Variants in EMCN observed in about 807,000 individuals in gnomAD.
EMCN encodes the protein endomucin.
Under a neutral mutation model 38.4 loss-of-function variants are expected in EMCN, and 37 were observed. The observed-to-expected ratio is 0.96, with a 90% CI of 0.74 to 1.27. The LOEUF (loss-of-function observed/expected upper bound fraction) is 1.27, where lower values mean the gene tolerates loss of function less well. EMCN is among the 50% of genes most tolerant of loss of function. EMCN has a pLI of 0.00. For synonymous variants in EMCN, 95 were observed against 100.8 expected (o/e 0.94, Z 0.35); for missense variants, 318 against 302.8 (o/e 1.05, Z -0.37).
chr4:100,463,652 ATCCCCAC>A (rs1280794497), intron 4 of EMCN, among the ~76,000 whole-genome samples: 1 of 152,100 alleles, frequency 6.6e-6, no homozygotes, highest in Non-Finnish European at 1.5e-5. Flanking sequence ...TTTAGAGTCA[ATCCCCAC>A]TCCCATCTCC....
chr4:100,444,280 G>A (rs1015601390), intron 5 of EMCN, among the ~76,000 whole-genome samples: 3 of 152,214 alleles, frequency 2.0e-5, no homozygotes, highest in South Asian at 2.1e-4. Context: ...TGTCCATATG[G>A]GTCAGTGGAG....
chr4:100,444,726 A>T (rs1727620061), intron 5 of EMCN, among the ~76,000 whole-genome samples: 1 of 152,080 alleles, frequency 6.6e-6, no homozygotes, highest in Non-Finnish European at 1.5e-5. Context: ...GGTGCAATGC[A>T]TACTCACGCT....
At chr4:100,508,320 G>T (rs1729536351) in intron 1 of EMCN, among the ~76,000 whole-genome samples, 1 of 152,128 alleles carries the variant, frequency 6.6e-6, no homozygotes, top group Admixed American at 6.5e-5. Flanking sequence ...TGTCACACCA[G>T]TCAGGGCTCA....
intron 1 of EMCN, among the ~76,000 whole-genome samples, chr4:100,502,862 G>A (rs1293202908): frequency 6.6e-6 from 1 of 152,008 alleles, no homozygotes; most frequent in Admixed American, 6.5e-5. Context: ...ATTTTTCCAT[G>A]TAATGAATTA....
intron 4 of EMCN, among the ~76,000 whole-genome samples, chr4:100,459,166 A>T (rs1394720566): frequency 8.6e-6 from 1 of 116,222 alleles, no homozygotes; most frequent in Non-Finnish European, 1.8e-5. Context: ...TTGCCCTCAG[A>T]TGCTCTCTCT....
At chr4:100,484,241 A>G (rs1728883159) in intron 1 of EMCN, among the ~76,000 whole-genome samples, 1 of 152,146 alleles carries the variant, frequency 6.6e-6, no homozygotes, top group Non-Finnish European at 1.5e-5. Flanking sequence ...CCAAATGTGC[A>G]CATATAGGGT....
intron 11 of EMCN, among the ~76,000 whole-genome samples, chr4:100,399,751 A>C (rs1227137412): frequency 6.6e-6 from 1 of 151,904 alleles, no homozygotes; most frequent in African/African-American, 2.4e-5. Flanking sequence ...TAAATGACTT[A>C]TTTTTTTATT....
chr4:100,477,452 C>A lies in EMCN; in HGVS notation c.188-2343G>T, dbSNP rs184241616. 1.6e-3 allele frequency among the ~76,000 whole-genome samples: 251 copies of A among 152,282 alleles called. 1 individual carries two copies. The highest frequency in any genetic ancestry group is 5.8e-3 in the African/African-American group (241 of 41,560). ...AATTGGGTGAATCTCTGAGAGCAAG[C>A]CCTGCTCCAGGCGAAGCTCTATCAA... On this transcript the variant is annotated intron_variant, in intron 2 of 11. Coordinates refer to ENST00000296420, the MANE Select transcript of EMCN (RefSeq NM_016242.4).
chr4:100,501,740 C>T (rs777312359), intron 1 of EMCN, among the ~76,000 whole-genome samples: 2 of 151,824 alleles, frequency 1.3e-5, no homozygotes, highest in East Asian at 1.9e-4. Context: ...TTTATGTTTC[C>T]GTAAATGGCA....
At chr4:100,500,098 T>G (rs1003312197) in intron 1 of EMCN, among the ~76,000 whole-genome samples, 1 of 151,742 alleles carries the variant, frequency 6.6e-6, no homozygotes, top group Admixed American at 6.6e-5. Flanking sequence ...ACAGATTTAT[T>G]TGTAAAAAAA....
chr4:100,465,601 T>A (rs886507698), intron 3 of EMCN, 62 bp from the exon 4 acceptor site: 19 of 809,530 alleles, frequency 2.3e-5, no homozygotes, highest in African/African-American at 3.5e-5. Context: ...TTATTAATAT[T>A]CATATTAATA....
chr4:100,436,153 C>T (rs1460652455), intron 5 of EMCN, among the ~76,000 whole-genome samples: 2 of 151,556 alleles, frequency 1.3e-5, no homozygotes, highest in African/African-American at 2.4e-5. Context: ...AATATCCAGA[C>T]CCTACAAGGA....
intron 11 of EMCN, among the ~76,000 whole-genome samples, chr4:100,406,369 T>C (rs895717941): frequency 2.6e-5 from 4 of 152,128 alleles, no homozygotes; most frequent in Non-Finnish European, 5.9e-5. Context: ...TGTGGGCATT[T>C]AGTGCTATTA....
chr4:100,461,035 G>C (rs1728164402), intron 4 of EMCN, among the ~76,000 whole-genome samples: 1 of 152,228 alleles, frequency 6.6e-6, no homozygotes, highest in Non-Finnish European at 1.5e-5. Context: ...GGCCTATGTA[G>C]CCCTGTCTGG....
chr4:100,415,248 A>G (rs1726691198), intron 10 of EMCN, among the ~76,000 whole-genome samples: 1 of 152,220 alleles, frequency 6.6e-6, no homozygotes, highest in African/African-American at 2.4e-5. Flanking sequence ...GTTTCGTGAT[A>G]TCAATGGTTT....
At chr4:100,488,616 TC>T (rs1226602408) in intron 1 of EMCN, among the ~76,000 whole-genome samples, 2 of 152,192 alleles carry the variant, frequency 1.3e-5, no homozygotes, top group African/African-American at 2.4e-5. Flanking sequence ...GTTAGCTAAT[TC>T]CCTTTTAAAG....
At position 100,422,749 on chromosome 4, in the gene EMCN, A is replaced by G. The variant is rs192362034; in HGVS notation, c.568+272T>C. ...TGGCCCTTGATCGTAATTGTTAAAC[A>G]CTAAACTAAGAAAAAAATTGCCAAA... On this transcript the variant is annotated intron_variant, in intron 7 of 11. Coordinates refer to ENST00000296420, the MANE Select transcript of EMCN (RefSeq NM_016242.4). Among the ~76,000 whole-genome samples, 429 of 151,708 alleles carry G rather than the reference A, an allele frequency of 2.8e-3. 2 individuals carry two copies. The highest frequency in any genetic ancestry group is 9.7e-3 in the African/African-American group (402 of 41,412).
intron 1 of EMCN, among the ~76,000 whole-genome samples, chr4:100,484,471 T>C (rs745496167): frequency 1.1e-4 from 16 of 152,168 alleles, no homozygotes; most frequent in Middle Eastern, 3.2e-3. Flanking sequence ...AGACTGGCCT[T>C]GAACTCCTGC....
chr4:100,463,312 T>C (rs1728231592), intron 4 of EMCN, among the ~76,000 whole-genome samples: 1 of 152,114 alleles, frequency 6.6e-6, no homozygotes, highest in Non-Finnish European at 1.5e-5. Context: ...CTGGATGCCA[T>C]AGGTATGCAC....
Sources: gnomAD v4.1 joint callset for allele counts (sites outside exome capture counted in the v4.1 genomes callset) on GRCh38, gnomAD v4.1.1 for gene constraint, MANE v1.5 for transcripts, NCBI Gene and HGNC (gene_info 2026-07-23, HGNC 2026-07-21) for gene names.